TUBGCP2: variants seen among roughly 807,000 people sequenced by gnomAD.
The protein encoded by TUBGCP2 is tubulin gamma complex component 2, also known as gamma-tubulin complex component 2.
TUBGCP2 carries 55 observed loss-of-function variants against 92.2 expected under a neutral mutation model. That is an observed-to-expected ratio of 0.60 (90% CI 0.48 to 0.75). The LOEUF (loss-of-function observed/expected upper bound fraction) is 0.75. Among genes scored for constraint, TUBGCP2 ranks in the 30% least tolerant of loss-of-function variants. The pLI is 0.00. For missense variants in TUBGCP2, 1,093 were observed against 1,188.9 expected, an observed-to-expected ratio of 0.92 and a Z score of 1.19; for synonymous variants, 533 against 505.2, an observed-to-expected ratio of 1.06 and a Z score of -0.74.
intron 13 of TUBGCP2, among the ~76,000 whole-genome samples, chr10:133,284,219 T>C (rs1847070027): frequency 6.6e-6 from 1 of 152,204 alleles, no homozygotes; most frequent in Non-Finnish European, 1.5e-5. Context: ...ACCTGTGCCC[T>C]GCAGGGACAC....
At position 133,285,413 on chromosome 10, in the gene TUBGCP2, C is replaced by T. The variant is rs765297298; in HGVS notation, c.1895+43G>A. ...TGGCACAGTTCTCGCTTCTGCCAAA[C>T]CTGAGTGAAGATCTGGCAGGTGCCC... On this transcript the variant is annotated intron_variant, in intron 12 of 17. Transcript: ENST00000252936. This position sits in a 1 kb window ranked among gnomAD's most constrained non-coding sequence, Gnocchi z 6.8. The T allele has an allele frequency of 1.2e-6, 2 of 1,612,386 alleles. No individual in the cohort carries two copies. The highest frequency in any genetic ancestry group is 1.7e-6 in the Non-Finnish European group (2 of 1,179,638).
rs1041267757 is a variant in TUBGCP2, at chr10:133,288,971, C to T, written c.1410G>A (p.Pro470=). ...ACGTGTAGATGATCTCTTTAGCCACCGGGCAGGTGACGTCATGGCCACACT... is the reference window on the plus strand; with the variant it reads ...ACGTGTAGATGATCTCTTTAGCCACTGGGCAGGTGACGTCATGGCCACACT... ...VRECGHDVTC[P]VAKEIIYTLK... is the part of the protein sequence containing the mutation. The change falls in exon 10 of 18, where the codon CCG becomes CCA. Residue 470 remains proline (P), a synonymous_variant. Transcript: ENST00000252936. 32 of 1,613,980 alleles carry T rather than the reference C, an allele frequency of 2.0e-5. No homozygotes were observed. Among genetic ancestry groups the T allele is most frequent in the Non-Finnish European group, 2.5e-5 (29 of 1,179,980 alleles).
upstream of TUBGCP2, chr10:133,308,952 G>GC (rs1047623525): frequency 1.4e-5 from 17 of 1,233,594 alleles, no homozygotes; most frequent in South Asian, 4.0e-5. Flanking sequence ...TGATGCAGTT[G>GC]CCCCCCGCGC....
At chr10:133,307,045 G>A (rs756205020) in intron 1 of TUBGCP2, among the ~76,000 whole-genome samples, 1 of 152,214 alleles carries the variant, frequency 6.6e-6, no homozygotes, top group Non-Finnish European at 1.5e-5. Context: ...TACTTAGAGG[G>A]CAAGGGCGGG....
intron 16 of TUBGCP2, 118 bp from the exon 17 acceptor site, chr10:133,281,554 A>G (rs1265307011): frequency 7.9e-6 from 10 of 1,271,310 alleles, no homozygotes; most frequent in African/African-American, 1.5e-5. Context: ...AATAGAAAAC[A>G]TGGGTTCCAT....
upstream of TUBGCP2, chr10:133,310,623 C>T (rs965106587): frequency 2.9e-6 from 1 of 344,834 alleles, no homozygotes; most frequent in Middle Eastern, 9.2e-4. Flanking sequence ...CCGTGGTCAT[C>T]CGCACTCACA....
At chr10:133,289,423 T>C (rs989210599) in intron 9 of TUBGCP2, among the ~76,000 whole-genome samples, 2 of 152,120 alleles carry the variant, frequency 1.3e-5, no homozygotes, top group African/African-American at 2.4e-5. Context: ...GCCACTGCCC[T>C]GGGTCCAGGT....
At chr10:133,281,514 G>A (rs1846977283) in intron 16 of TUBGCP2, 78 bp from the exon 17 acceptor site, 2 of 1,525,478 alleles carry the variant, frequency 1.3e-6, no homozygotes, top group African/African-American at 1.4e-5. Context: ...TTCCCAGCAG[G>A]CCGGTGTCCT....
chr10:133,293,113 C>T lies in TUBGCP2; in HGVS notation c.950G>A (p.Gly317Asp). 1.2e-6 allele frequency: 2 copies of T among 1,613,888 alleles called. No individual in the cohort carries two copies. The highest frequency in any genetic ancestry group is 1.7e-6 in the Non-Finnish European group (2 of 1,180,052). Residue 317 changes from glycine to aspartate, a missense_variant, in exon 7 of 18, where the codon GGC becomes GAC. Coordinates refer to ENST00000252936, the MANE Select transcript of TUBGCP2 (RefSeq NM_006659.4). ...CCAGAGCTTCTGCAGCGAAAGGAGG[C>T]CCTGCCTGTGCAGCTGCTCCAGCTG... The part of the protein sequence containing the change: ...VSQLEQLHRQ[G>D]LLSLQKLWFY...
chr10:133,310,391 G>A (rs1847964275), upstream of TUBGCP2: 4 of 1,443,126 alleles, frequency 2.8e-6, no homozygotes, highest in Middle Eastern at 1.8e-4. Flanking sequence ...GCACTTGTGT[G>A]TCACCTAATG....
chr10:133,291,296 G>A (rs111321764), intron 8 of TUBGCP2, among the ~76,000 whole-genome samples: 3,593 of 69,774 alleles, frequency 0.051, 277 homozygotes, highest in Middle Eastern at 0.13. Flanking sequence ...CCTGTGTCCC[G>A]GGGAGCCCTA....
chr10:133,309,767 C>G, upstream of TUBGCP2: 2 of 1,612,490 alleles, frequency 1.2e-6, no homozygotes, highest in Non-Finnish European at 1.7e-6. Context: ...AAGCACGTCT[C>G]CTTGGCAGGG....
chr10:133,302,767 G>A lies in TUBGCP2; in HGVS notation c.150+25C>T. 2.5e-6 allele frequency: 4 copies of A among 1,611,904 alleles called. No individual in the cohort carries two copies. The East Asian group carries it at 6.7e-5, about 27-fold the overall frequency. ...CCAGGAACAGTGCTCACCCTGCACAGCGCTACACCAAGGGCAGTGCTCACC... is the reference window on the plus strand; with the variant it reads ...CCAGGAACAGTGCTCACCCTGCACAACGCTACACCAAGGGCAGTGCTCACC... On this transcript the variant is annotated intron_variant, in intron 2 of 17. Coordinates refer to ENST00000252936, the MANE Select transcript of TUBGCP2 (RefSeq NM_006659.4).
upstream of TUBGCP2, chr10:133,309,206 C>T: frequency 7.7e-7 from 1 of 1,305,528 alleles, no homozygotes; most frequent in South Asian, 1.6e-5. Flanking sequence ...GGGGCGGGGC[C>T]GGAGCCTGGG....
At chr10:133,306,526 G>A (rs1484671952) in intron 1 of TUBGCP2, among the ~76,000 whole-genome samples, 1 of 152,152 alleles carries the variant, frequency 6.6e-6, no homozygotes, top group Non-Finnish European at 1.5e-5. Flanking sequence ...GGTGGCTCAC[G>A]CCTGTAATCT....
Position 133,288,909 on chromosome 10 carries a change from G to A in TUBGCP2, c.1472C>T (p.Ala491Val), listed in dbSNP as rs149207468. The A allele has an allele frequency of 3.1e-5, 50 of 1,614,066 alleles. No individual in the cohort carries two copies. Among genetic ancestry groups the A allele is most frequent in the Non-Finnish European group, 4.2e-5 (49 of 1,180,020 alleles). ...CAGCACCTTGCTGGCGTAGTTAAAC[G>A]CCTTCTCGATCTGCTCCACATACGC... is the stretch of plus-strand genomic sequence containing the variant. ...ERAYVEQIEK[A>V]FNYASKVLLD... The change falls in exon 10 of 18, where the codon GCG (alanine) becomes GTG (valine). Residue 491 changes from alanine to valine, a missense_variant. Around this residue, in one of 3 missense-constraint regions of TUBGCP2, gnomAD observed 598 missense variants for 675.5 expected, o/e 0.89. Coordinates refer to ENST00000252936, the MANE Select transcript of TUBGCP2 (RefSeq NM_006659.4).
chr10:133,309,407 C>T, upstream of TUBGCP2: 1 of 1,612,112 alleles, frequency 6.2e-7, no homozygotes, highest in Admixed American at 1.7e-5. Context: ...ACGTGCAGCG[C>T]CACCTCTACC....
chr10:133,288,814 C>A, intron 10 of TUBGCP2, 26 bp downstream of exon 10: 1 of 1,571,458 alleles, frequency 6.4e-7, no homozygotes, highest in Non-Finnish European at 8.7e-7. Flanking sequence ...GGTGAGTGCC[C>A]GCACAGGGAC....
chr10:133,297,904 C>G, intron 5 of TUBGCP2, 48 bp downstream of exon 5: 1 of 1,594,066 alleles, frequency 6.3e-7, no homozygotes, highest in South Asian at 1.1e-5. Flanking sequence ...CGGAAATCAA[C>G]GCATCACGTA....
Sources: allele counts gnomAD v4.1 joint callset (sites outside exome capture counted in the v4.1 genomes callset), GRCh38; gene constraint gnomAD v4.1.1; regional missense constraint gnomAD v4.1.1; non-coding constraint Gnocchi (gnomAD v3.1); transcripts MANE v1.5; gene names NCBI Gene and HGNC (gene_info 2026-07-23, HGNC 2026-07-21).